The following NMT2 variants were observed in gnomAD, a reference collection of about 807,000 sequenced individuals.
NMT2 encodes N-myristoyltransferase 2.
NMT2 carries 35 observed loss-of-function variants against 65.4 expected under a neutral mutation model. The observed-to-expected ratio is 0.54, with a 90% CI of 0.41 to 0.71. The LOEUF is 0.71. Among genes scored for constraint, NMT2 ranks in the 30% least tolerant of loss-of-function variants. The probability of loss-of-function intolerance (pLI) is 0.00; values close to 1 mark genes in which losing one functional copy is unlikely to be tolerated. For missense variants in NMT2, 489 were observed against 611.3 expected, an observed-to-expected ratio of 0.80 and a Z score of 2.11; for synonymous variants, 226 against 231.8, an observed-to-expected ratio of 0.98 and a Z score of 0.23.
chr10:15,133,390 G>C (rs1554823134), intron 3 of NMT2, 27 bp from the exon 4 acceptor site: 2 of 1,537,282 alleles, frequency 1.3e-6, no homozygotes, highest in Non-Finnish European at 1.8e-6. Context: ...AGAGAAAAAA[G>C]AAAGGCAAAA....
intron 9 of NMT2, among the ~76,000 whole-genome samples, chr10:15,114,392 G>T (rs1428083012): frequency 6.6e-6 from 1 of 151,792 alleles, no homozygotes; most frequent in African/African-American, 2.4e-5. Context: ...GGGAAGAGTG[G>T]GATGATCTTT....
At chr10:15,141,336 C>T (rs1589336402) in intron 2 of NMT2, 86 bp downstream of exon 2, 1 of 1,511,766 alleles carries the variant, frequency 6.6e-7, no homozygotes, top group Non-Finnish European at 9.1e-7. Context: ...AGTCCCTACA[C>T]ATCTGATGCA....
intron 1 of NMT2, among the ~76,000 whole-genome samples, chr10:15,144,506 T>G (rs987393619): frequency 6.6e-6 from 1 of 151,416 alleles, no homozygotes; most frequent in African/African-American, 2.4e-5. Context: ...CTGAGGCGGG[T>G]AGATCATGAG....
chr10:15,168,412 C>A (rs749999184), intron 1 of NMT2, 91 bp downstream of exon 1: 1 of 948,936 alleles, frequency 1.1e-6, no homozygotes, highest in South Asian at 1.4e-5. Flanking sequence ...GCCGAAGAAC[C>A]CCCAGTCCTG....
At chr10:15,160,005 A>C (rs1588461122) in intron 1 of NMT2, among the ~76,000 whole-genome samples, 1 of 152,232 alleles carries the variant, frequency 6.6e-6, no homozygotes, top group Admixed American at 6.5e-5. Context: ...GGAAGGCTTC[A>C]TGAAAGAAAG....
intron 1 of NMT2, among the ~76,000 whole-genome samples, chr10:15,163,307 T>G (rs1833264360): frequency 6.6e-6 from 1 of 152,210 alleles, no homozygotes; most frequent in Non-Finnish European, 1.5e-5. Flanking sequence ...GAGTAGAACT[T>G]GGTTCTGTTA....
In NMT2 at chr10:15,119,410, A is replaced by G. The variant is rs759085968; in HGVS notation, c.1103T>C (p.Met368Thr). ...YLKQFHLAPV[M>T]DEEEVAHWFL... Reference sequence around the variant, plus strand: ...CCAGTGGGCTACTTCCTCTTCATCCATCACTGGAGCCAGATGAAACTGCTT... The same window carrying G: ...CCAGTGGGCTACTTCCTCTTCATCCGTCACTGGAGCCAGATGAAACTGCTT... Residue 368 changes from methionine to threonine, a missense_variant, in exon 9 of 12, where the codon ATG becomes ACG. Transcript: ENST00000378165. 1 of 1,614,148 alleles carries G rather than the reference A, an allele frequency of 6.2e-7. No homozygotes were observed.
intron 1 of NMT2, among the ~76,000 whole-genome samples, chr10:15,154,378 G>A (rs1277251489): frequency 6.6e-6 from 1 of 152,178 alleles, no homozygotes; most frequent in Non-Finnish European, 1.5e-5. Flanking sequence ...CTCAGGTGCA[G>A]GCTGTGTGGT....
chr10:15,119,696 C>CT (rs1845860687), intron 8 of NMT2, among the ~76,000 whole-genome samples, 183 bp from the exon 9 acceptor site: 1 of 152,170 alleles, frequency 6.6e-6, no homozygotes, highest in African/African-American at 2.4e-5. Flanking sequence ...ACAAGATTTC[C>CT]TTGGGTTTGT....
chr10:15,157,024 G>A (rs1463400086), intron 1 of NMT2, among the ~76,000 whole-genome samples: 1 of 152,076 alleles, frequency 6.6e-6, no homozygotes, highest in East Asian at 1.9e-4. Flanking sequence ...CCCTAAAGTA[G>A]TGAAGAACAA....
rs1287193919 is a variant in NMT2 at position 15,106,775 on chromosome 10, T to C, written c.*2420A>G. 4.5e-6 allele frequency: 2 copies of C among 440,484 alleles called. No individual in the cohort carries two copies. Among genetic ancestry groups the C allele is most frequent in the African/African-American group, 2.1e-5 (1 of 46,990 alleles). The allele number at this position is 440,484 out of a possible 1,614,324, so 27.3% of individuals were successfully genotyped here. ...GTCACAACAACTCAACTCAGCTTTG[T>C]AGTGTGAAGCAGCCATAGGCAATAT... is the stretch of plus-strand genomic sequence containing the variant. On this transcript the variant is annotated 3_prime_UTR_variant, in exon 12 of 12. Coordinates refer to ENST00000378165, the MANE Select transcript of NMT2 (RefSeq NM_004808.3).
intron 8 of NMT2, 90 bp downstream of exon 8, chr10:15,128,260 T>G: frequency 1.3e-6 from 1 of 767,332 alleles, no homozygotes; most frequent in East Asian, 2.5e-5. Flanking sequence ...GACACACCAG[T>G]CAGTTTTTAG....
intron 1 of NMT2, among the ~76,000 whole-genome samples, chr10:15,157,328 C>G (rs1364795598): frequency 6.6e-6 from 1 of 152,206 alleles, no homozygotes; most frequent in African/African-American, 2.4e-5. Flanking sequence ...CACTAACTTA[C>G]TCAAAGCATC....
rs935670236 is a variant in NMT2 at position 15,108,952 on chromosome 10, A to T, written c.*243T>A. ...CAGGCAAAAATTTGAAAATTACAAG[A>T]ATGTGCTCTTTGTAGCCTTTCATCC... On this transcript the variant is annotated 3_prime_UTR_variant, in exon 12 of 12. Coordinates refer to ENST00000378165, the MANE Select transcript of NMT2 (RefSeq NM_004808.3). 1 of 1,268,454 alleles carries T rather than the reference A, an allele frequency of 7.9e-7. No individual in the cohort carries two copies. 78.6% of individuals were successfully genotyped at this position (1,268,454 alleles called of 1,614,324 possible). A position where few individuals can be genotyped will look rare whatever the true frequency, so the allele number is the denominator to read the frequency against.
Position 15,108,307 on chromosome 10 carries a change from C to A in NMT2, c.*888G>T, listed in dbSNP as rs958843029. The A allele has an allele frequency of 1.6e-6, 1 of 617,288 alleles. No homozygotes were observed. 38.2% of individuals were successfully genotyped at this position (617,288 alleles called of 1,614,324 possible). On this transcript the variant is annotated 3_prime_UTR_variant, in exon 12 of 12. Transcript: ENST00000378165. ...GTTCAAGCGATTCTCCTGCCTCAGC[C>A]TCCCAAGCAGCTGGGACTACAGGCA... is the stretch of plus-strand genomic sequence containing the variant.
intron 2 of NMT2, chr10:15,139,863 C>CCATATATA (rs1434021981): frequency 3.3e-4 from 23 of 69,562 alleles, no homozygotes; most frequent in African/African-American, 7.1e-4. Flanking sequence ...GTAACAACTA[C>CCATATATA]TATATATATA....
At chr10:15,160,738 C>T (rs1310911962) in intron 1 of NMT2, among the ~76,000 whole-genome samples, 2 of 151,966 alleles carry the variant, frequency 1.3e-5, no homozygotes, top group Admixed American at 6.6e-5. Flanking sequence ...GACGACACTG[C>T]ACTCCAGCCT....
intron 1 of NMT2, among the ~76,000 whole-genome samples, chr10:15,161,658 C>G (rs1833203398): frequency 6.6e-6 from 1 of 152,226 alleles, no homozygotes; most frequent in South Asian, 2.1e-4. Context: ...CCACGCCTGG[C>G]CGGGAGGATG....
At chr10:15,141,140 C>A in intron 2 of NMT2, 3 of 1,003,606 alleles carry the variant, frequency 3.0e-6, no homozygotes, top group Non-Finnish European at 4.5e-6. Context: ...CAAGCTCACA[C>A]TGAGACTTTC....
Sources: gnomAD v4.1 joint callset for allele counts (sites outside exome capture counted in the v4.1 genomes callset) on GRCh38, gnomAD v4.1.1 for gene constraint, MANE v1.5 for transcripts, NCBI Gene and HGNC (gene_info 2026-07-23, HGNC 2026-07-21) for gene names.